XPO7: variants seen among roughly 807,000 people sequenced by gnomAD.
XPO7 encodes exportin-7.
In XPO7, 21 loss-of-function variants were observed where a neutral mutation model predicts 144.3. That is an observed-to-expected ratio of 0.15 (90% CI 0.10 to 0.21). The LOEUF is 0.21. Among genes scored for constraint, XPO7 ranks in the 10% least tolerant of loss-of-function variants. The pLI, the probability that XPO7 is intolerant of heterozygous loss-of-function variation, is 1.00. For synonymous variants in XPO7, 580 were observed against 499.6 expected (o/e 1.16, Z -2.15); for missense variants, 808 against 1,325.8 (o/e 0.61, Z 6.06).
At chr8:22,002,694 C>G (rs908749051) in intron 25 of XPO7, among the ~76,000 whole-genome samples, 3 of 152,104 alleles carry the variant, frequency 2.0e-5, no homozygotes, top group African/African-American at 7.2e-5. Context: ...TATGCTTGCC[C>G]TTATTTTATT....
intron 3 of XPO7, 138 bp downstream of exon 3, chr8:21,969,714 TC>T: frequency 1.1e-6 from 1 of 914,150 alleles, no homozygotes; most frequent in Non-Finnish European, 1.6e-6. Context: ...CCAGTTCGTT[TC>T]CAGAATTTGG....
At chr8:21,930,852 T>A (rs1335220183) in intron 1 of XPO7, among the ~76,000 whole-genome samples, 1 of 152,194 alleles carries the variant, frequency 6.6e-6, no homozygotes, top group African/African-American at 2.4e-5. Flanking sequence ...GTTGTAAATA[T>A]CTCAGATGTC....
At chr8:21,970,634 G>A (rs1265484423) in intron 4 of XPO7, among the ~76,000 whole-genome samples, 1 of 152,098 alleles carries the variant, frequency 6.6e-6, no homozygotes. Flanking sequence ...TCAGTGAATA[G>A]CCCAGTACAT....
chr8:21,966,781 G>C, intron 1 of XPO7, 76 bp from the exon 2 acceptor site: 1 of 1,517,320 alleles, frequency 6.6e-7, no homozygotes, highest in Non-Finnish European at 8.8e-7. Context: ...ATTTATCTTT[G>C]TTTATTAATT....
intron 1 of XPO7, among the ~76,000 whole-genome samples, chr8:21,948,375 AC>A (rs1297998292): frequency 6.6e-6 from 1 of 152,224 alleles, no homozygotes; most frequent in Non-Finnish European, 1.5e-5. Flanking sequence ...GGTATTCAGT[AC>A]AGTAACGTGG....
At chr8:21,996,546 A>G (rs1402300561) in intron 21 of XPO7, among the ~76,000 whole-genome samples, 2 of 152,214 alleles carry the variant, frequency 1.3e-5, no homozygotes, top group Admixed American at 1.3e-4. Flanking sequence ...ATCACATTTC[A>G]TGGTTAGAGA....
At chr8:21,982,579 G>T (rs1404875596) in intron 10 of XPO7, 61 bp from the exon 11 acceptor site, 5 of 1,478,424 alleles carry the variant, frequency 3.4e-6, no homozygotes, top group African/African-American at 1.4e-5. Flanking sequence ...TGTGTCAGTG[G>T]CATGGGACTA....
At chr8:21,999,495 A>G (rs1454735864) in intron 23 of XPO7, 41 bp from the exon 24 acceptor site, 10 of 1,612,376 alleles carry the variant, frequency 6.2e-6, no homozygotes, top group African/African-American at 1.3e-5. Context: ...GCTGGAGTGC[A>G]TAGTGCCTAA....
chr8:21,961,609 CT>C (rs1469286258), intron 1 of XPO7, among the ~76,000 whole-genome samples: 1 of 152,062 alleles, frequency 6.6e-6, no homozygotes, highest in Admixed American at 6.6e-5. Flanking sequence ...GTTCCACATG[CT>C]AACACTTGAT....
At chr8:21,923,082 G>A (rs572982037) in intron 1 of XPO7, among the ~76,000 whole-genome samples, 3 of 152,316 alleles carry the variant, frequency 2.0e-5, no homozygotes, top group East Asian at 1.9e-4. Flanking sequence ...AGTGCTATGG[G>A]TAGTCCATTT....
At chr8:21,930,780 T>C (rs1391077005) in intron 1 of XPO7, among the ~76,000 whole-genome samples, 2 of 152,230 alleles carry the variant, frequency 1.3e-5, no homozygotes, top group African/African-American at 2.4e-5. Context: ...TTATCTGTTA[T>C]CAAGTTGAAT....
chr8:21,929,204 G>A (rs536203935), intron 1 of XPO7, among the ~76,000 whole-genome samples: 1 of 152,272 alleles, frequency 6.6e-6, no homozygotes, highest in Non-Finnish European at 1.5e-5. Context: ...AATTTCTATT[G>A]GACAGTGCTA....
At chr8:22,002,091 C>T in intron 24 of XPO7, 21 bp from the exon 25 acceptor site, 1 of 1,596,170 alleles carries the variant, frequency 6.3e-7, no homozygotes, top group Non-Finnish European at 8.5e-7. Context: ...TCTGTCCTAC[C>T]CCTGCCTTTC....
Position 22,002,164 on chromosome 8 carries a change from C to T in XPO7, c.2835C>T (p.Tyr945=). Residue 945 remains tyrosine, a synonymous_variant, in exon 25 of 28, where the codon TAC becomes TAT. Transcript: ENST00000252512. ...CCTGCCTGGACCACATTGTGACATA[C>T]CTCTTCAAGCAGCTGTCACGTAGCA... is the stretch of plus-strand genomic sequence containing the variant. ...CCSCLDHIVT[Y]LFKQLSRSTK... is the part of the protein sequence containing the mutation. 6.2e-7 allele frequency: 1 copy of T among 1,612,680 alleles called. No individual in the cohort carries two copies. Among genetic ancestry groups the T allele is most frequent in the Non-Finnish European group, 8.5e-7 (1 of 1,179,396 alleles).
chr8:21,930,526 C>T (rs1200053136), intron 1 of XPO7, among the ~76,000 whole-genome samples: 1 of 152,068 alleles, frequency 6.6e-6, no homozygotes, highest in Non-Finnish European at 1.5e-5. Flanking sequence ...TCTGAAAAGG[C>T]CTGGTGTCCT....
chr8:21,926,833 GTGTTAGTAGGTGA>G (rs1193537859), intron 1 of XPO7, among the ~76,000 whole-genome samples: 1 of 152,026 alleles, frequency 6.6e-6, no homozygotes, highest in Non-Finnish European at 1.5e-5. Context: ...TGTAATGTTC[GTGTTAGTAGGTGA>G]TATTTTTGTC....
intron 1 of XPO7, among the ~76,000 whole-genome samples, chr8:21,928,221 A>G (rs1810526515): frequency 6.6e-6 from 1 of 152,246 alleles, no homozygotes; most frequent in South Asian, 2.1e-4. Context: ...TTCACTCAGC[A>G]TAGTAACTCT....
chr8:22,001,304 G>A (rs1359170728), intron 24 of XPO7, among the ~76,000 whole-genome samples: 12 of 148,032 alleles, frequency 8.1e-5, no homozygotes, highest in African/African-American at 2.5e-4. Flanking sequence ...ACGAGACTCC[G>A]TATCAAAAAA....
At position 21,980,199 on chromosome 8, in the gene XPO7, C is replaced by T; in HGVS notation, c.953C>T (p.Pro318Leu). 6.3e-7 allele frequency: 1 copy of T among 1,587,352 alleles called. No homozygotes were observed. The change falls in exon 9 of 28, where the codon CCA becomes CTA. Residue 318 changes from proline to leucine, a missense_variant. Transcript: ENST00000252512. ...VDGVKRILEN[P>L]QSLSDPNNYH... Reference sequence around the variant, plus strand: ...GGTGTTAAACGAATACTGGAAAACCCACAGGTAAGTTTATCTGAGAATTTA... The same window carrying T: ...GGTGTTAAACGAATACTGGAAAACCTACAGGTAAGTTTATCTGAGAATTTA...
Sources: gnomAD v4.1 joint callset for allele counts (sites outside exome capture counted in the v4.1 genomes callset) on GRCh38, gnomAD v4.1.1 for gene constraint, MANE v1.5 for transcripts, NCBI Gene and HGNC (gene_info 2026-07-23, HGNC 2026-07-21) for gene names.